SLC25A37: variants seen among roughly 807,000 people sequenced by gnomAD.
SLC25A37 encodes the protein solute carrier family 25 member 37.
Under a neutral mutation model 31.0 loss-of-function variants are expected in SLC25A37, and 17 were observed. The ratio of observed to expected loss-of-function variants is 0.55; its 90% CI spans 0.38 to 0.82. The LOEUF (loss-of-function observed/expected upper bound fraction) is 0.82. Among genes scored for constraint, SLC25A37 ranks in the 40% least tolerant of loss-of-function variants. The pLI, the probability that SLC25A37 is intolerant of heterozygous loss-of-function variation, is 0.00. For missense variants in SLC25A37, 404 were observed against 465.8 expected (o/e 0.87, Z 1.22); for synonymous variants, 222 against 193.0 (o/e 1.15, Z -1.24).
Position 23,571,925 on chromosome 8 carries a change from C to A in SLC25A37, c.*70C>A. On this transcript the variant is annotated 3_prime_UTR_variant, in exon 4 of 4. Transcript: ENST00000519973. Reference sequence around the variant, plus strand: ...CATCCAGCCCCTTGCCCTCTCCTCACACGTAGATCATTTTTTTTTTGCAGG... The same window carrying A: ...CATCCAGCCCCTTGCCCTCTCCTCAAACGTAGATCATTTTTTTTTTGCAGG... The A allele has an allele frequency of 6.6e-7, 1 of 1,506,602 alleles. No individual in the cohort carries two copies. The highest frequency in any genetic ancestry group is 8.9e-7 in the Non-Finnish European group (1 of 1,122,108). The allele number at this position is 1,506,602 out of a possible 1,614,324, so 93.3% of individuals were successfully genotyped here. A position where few individuals can be genotyped will look rare whatever the true frequency, so the allele number is the denominator to read the frequency against.
At chr8:23,549,472 G>A (rs7842788) in intron 1 of SLC25A37, among the ~76,000 whole-genome samples, 30,466 of 152,088 alleles carry the variant, frequency 0.2, 5,030 homozygotes, top group African/African-American at 0.44. Flanking sequence ...GAAGTAATTT[G>A]TACCTATTGT....
chr8:23,568,212 C>A, intron 2 of SLC25A37, 110 bp from the exon 3 acceptor site: 1 of 1,114,456 alleles, frequency 9.0e-7, no homozygotes, highest in Non-Finnish European at 1.4e-6. Context: ...GCTGGTAGTA[C>A]ATTTTGCTTC....
intron 1 of SLC25A37, among the ~76,000 whole-genome samples, chr8:23,538,040 C>T (rs1361657166): frequency 2.0e-5 from 3 of 148,412 alleles, no homozygotes; most frequent in Non-Finnish European, 4.5e-5. Context: ...AAGGAAGGCA[C>T]GGCTTTTTAA....
chr8:23,539,576 G>A (rs774138831), intron 1 of SLC25A37, among the ~76,000 whole-genome samples: 5 of 152,190 alleles, frequency 3.3e-5, no homozygotes, highest in South Asian at 2.1e-4. Flanking sequence ...TGTGGGCCCC[G>A]TGAATTTAAG....
Position 23,571,365 on chromosome 8 carries a change from C to A in SLC25A37, c.527C>A (p.Ser176Ter). 6.2e-7 allele frequency: 1 copy of A among 1,604,582 alleles called. No individual in the cohort carries two copies. Among genetic ancestry groups the A allele is most frequent in the Non-Finnish European group, 8.5e-7 (1 of 1,175,100 alleles). ...VVKQRLQMYN[S>*]QHRSAISCIR... ...AAGCAGCGCTTGCAGATGTACAACT[C>A]GCAGCACCGGTCAGCAATCAGCTGC... is the stretch of plus-strand genomic sequence containing the variant. Residue 176 changes from serine (S) to a stop codon, truncating the protein, a stop_gained, in exon 4 of 4, where the codon TCG (serine) becomes TAG (stop). Coordinates refer to ENST00000519973, the MANE Select transcript of SLC25A37 (RefSeq NM_016612.4). LOFTEE classifies it high-confidence loss of function.
At chr8:23,532,507 A>C (rs573032472) in intron 1 of SLC25A37, among the ~76,000 whole-genome samples, 1 of 152,332 alleles carries the variant, frequency 6.6e-6, no homozygotes, top group Admixed American at 6.5e-5. Context: ...TGGGTGGAGG[A>C]GGAAATTCCA....
At position 23,529,046 on chromosome 8, in the gene SLC25A37, G is replaced by A. The variant is rs1801604153; in HGVS notation, c.44G>A (p.Arg15Gln). 3.2e-6 allele frequency: 5 copies of A among 1,570,720 alleles called. No homozygotes were observed. The highest frequency in any genetic ancestry group is 4.3e-6 in the Non-Finnish European group (5 of 1,159,714). ...AGCGTGGGCAGCCAGGCGGTGGCGCGGAGGATGGATGGGGACAGCCGAGAT... is the reference window on the plus strand; with the variant it reads ...AGCGTGGGCAGCCAGGCGGTGGCGCAGAGGATGGATGGGGACAGCCGAGAT... ...SGSVGSQAVA[R>Q]RMDGDSRDGG... The change falls in exon 1 of 4, where the codon CGG becomes CAG. Residue 15 changes from arginine to glutamine, a missense_variant. Around this residue, in one of 3 missense-constraint regions of SLC25A37, gnomAD observed 154 missense variants for 153.6 expected, o/e 1.00. Transcript: ENST00000519973. The surrounding 1 kb of genome is among the most constrained non-coding windows in gnomAD (Gnocchi z 4.1).
At chr8:23,532,027 C>G (rs963312503) in intron 1 of SLC25A37, 11 of 152,196 alleles carry the variant, frequency 7.2e-5, no homozygotes, top group Admixed American at 6.5e-4. Flanking sequence ...GTGCATTTTA[C>G]AGACGTGTAC....
chr8:23,538,786 T>C (rs1246626754), intron 1 of SLC25A37, among the ~76,000 whole-genome samples: 2 of 152,166 alleles, frequency 1.3e-5, no homozygotes, highest in African/African-American at 2.4e-5. Context: ...GAGTCGCCTG[T>C]CTTGACGGAC....
intron 1 of SLC25A37, among the ~76,000 whole-genome samples, chr8:23,538,523 G>A (rs1036485053): frequency 4.8e-5 from 5 of 103,560 alleles, no homozygotes; most frequent in African/African-American, 3.2e-4. Context: ...GTTGTTTGTC[G>A]TGTGTGTGTG....
chr8:23,567,316 C>G (rs1802690474), intron 2 of SLC25A37: 1 of 152,098 alleles, frequency 6.6e-6, no homozygotes, highest in Non-Finnish European at 1.5e-5. Context: ...TAAAAATTGG[C>G]CATTAGTGCA....
rs1802926179 is a variant in SLC25A37 at position 23,573,924 on chromosome 8, A to C, written c.*2069A>C. ...TGAAAATGTTTACATCTCCGCTCTCAACCTGCCTTGGGTTCGTGTTAAATG... is the reference window on the plus strand; with the variant it reads ...TGAAAATGTTTACATCTCCGCTCTCCACCTGCCTTGGGTTCGTGTTAAATG... On this transcript the variant is annotated 3_prime_UTR_variant, in exon 4 of 4. Coordinates refer to ENST00000519973, the MANE Select transcript of SLC25A37 (RefSeq NM_016612.4). The C allele has an allele frequency of 2.2e-6, 1 of 446,544 alleles. No individual in the cohort carries two copies. Among genetic ancestry groups the C allele is most frequent in the Admixed American group, 2.4e-5 (1 of 42,304 alleles). The allele number at this position is 446,544 out of a possible 1,614,324, so 27.7% of individuals were successfully genotyped here.
chr8:23,557,911 C>G (rs1378631378), intron 1 of SLC25A37, among the ~76,000 whole-genome samples: 1 of 152,180 alleles, frequency 6.6e-6, no homozygotes, highest in African/African-American at 2.4e-5. Context: ...AGCCTTATTT[C>G]CTTTCTCTGG....
chr8:23,551,348 C>T (rs1004194339), intron 1 of SLC25A37, among the ~76,000 whole-genome samples: 9 of 152,122 alleles, frequency 5.9e-5, no homozygotes, highest in African/African-American at 2.2e-4. Flanking sequence ...TAGGGGGCCA[C>T]CAGGTGCGAG....
intron 1 of SLC25A37, among the ~76,000 whole-genome samples, chr8:23,550,964 T>C (rs1585187525): frequency 6.6e-6 from 1 of 152,202 alleles, no homozygotes; most frequent in African/African-American, 2.4e-5. Context: ...GGTCTCCCTA[T>C]AGTTCAGAGG....
At chr8:23,566,505 C>T in intron 2 of SLC25A37, 169 bp downstream of exon 2, 4 of 1,383,280 alleles carry the variant, frequency 2.9e-6, no homozygotes, top group Non-Finnish European at 3.7e-6. Flanking sequence ...CACGCACACA[C>T]ACGCGCGCGC....
chr8:23,563,929 C>T (rs947183039), intron 1 of SLC25A37, among the ~76,000 whole-genome samples: 16 of 152,038 alleles, frequency 1.1e-4, no homozygotes, highest in African/African-American at 3.9e-4. Flanking sequence ...TGCAGCGAGC[C>T]GAGATTGTGC....
At chr8:23,553,847 C>G (rs904743881) in intron 1 of SLC25A37, among the ~76,000 whole-genome samples, 2 of 152,204 alleles carry the variant, frequency 1.3e-5, no homozygotes, top group Non-Finnish European at 2.9e-5. Flanking sequence ...TACACTCTTG[C>G]AGCTGGGCAT....
At chr8:23,531,255 A>G (rs1301614139) in intron 1 of SLC25A37, among the ~76,000 whole-genome samples, 1 of 152,222 alleles carries the variant, frequency 6.6e-6, no homozygotes, top group African/African-American at 2.4e-5. Context: ...TCAGGGGTGC[A>G]TCCTCCATCA....
Sources: allele counts gnomAD v4.1 joint callset (sites outside exome capture counted in the v4.1 genomes callset), GRCh38; gene constraint gnomAD v4.1.1; regional missense constraint gnomAD v4.1.1; non-coding constraint Gnocchi (gnomAD v3.1); transcripts MANE v1.5; gene names NCBI Gene and HGNC (gene_info 2026-07-23, HGNC 2026-07-21).